The following TARS2 variants were observed in gnomAD, a reference collection of about 807,000 sequenced individuals.
TARS2 encodes the protein threonine--tRNA ligase, mitochondrial.
A neutral mutation model predicts 94.4 loss-of-function variants in TARS2; 61 were observed. The observed-to-expected ratio is 0.65, with a 90% confidence interval of 0.53 to 0.80. TARS2 has a LOEUF of 0.80. Among genes scored for constraint, TARS2 ranks in the 30% least tolerant of loss-of-function variants. The pLI is 0.00. For missense variants in TARS2, 704 were observed against 902.5 expected (o/e 0.78, Z 2.82); for synonymous variants, 359 against 353.4 (o/e 1.02, Z -0.18).
chr1:150,488,893 A>C lies in TARS2; in HGVS notation c.264-71A>C, dbSNP rs1172885621. 3.2e-6 allele frequency: 5 copies of C among 1,565,100 alleles called. No homozygotes were observed. In the African/African-American group the frequency reaches 5.5e-5, roughly 17 times the overall value. On this transcript the variant is annotated intron_variant, in intron 2 of 17. Transcript: ENST00000369064. ...TTTAAACTCTCATATAGGAATCAGAACATGTGATATTTTCCTTTTTGTGCC... is the reference window on the plus strand; with the variant it reads ...TTTAAACTCTCATATAGGAATCAGACCATGTGATATTTTCCTTTTTGTGCC...
chr1:150,488,229 C>G (rs974013736), intron 2 of TARS2, 175 bp downstream of exon 2: 1 of 708,606 alleles, frequency 1.4e-6, no homozygotes, highest in Non-Finnish European at 2.2e-6. Context: ...CAGACGGGGT[C>G]TCTCCATGTT....
Position 150,505,584 on chromosome 1 carries a change from G to C in TARS2, c.1894-7G>C. On this transcript the variant is annotated splice_polypyrimidine_tract_variant and splice_region_variant and intron_variant, in intron 16 of 17. Coordinates refer to ENST00000369064, the MANE Select transcript of TARS2 (RefSeq NM_025150.5). ...ATTAACTTCCTGTCACCAAACCTCT[G>C]TTGCAGGCACAGCAGAGCCTGCGGG... 6.2e-7 allele frequency: 1 copy of C among 1,612,586 alleles called. No individual in the cohort carries two copies. The highest frequency in any genetic ancestry group is 1.1e-5 in the South Asian group (1 of 91,050).
intron 7 of TARS2, among the ~76,000 whole-genome samples, chr1:150,494,694 C>T (rs1291084788): frequency 1.3e-5 from 2 of 151,096 alleles, no homozygotes; most frequent in African/African-American, 2.4e-5. Context: ...GCCAAGATTG[C>T]ACCACTGCAC....
chr1:150,503,957 A>G (rs1670083050), intron 13 of TARS2, among the ~76,000 whole-genome samples: 1 of 151,746 alleles, frequency 6.6e-6, no homozygotes, highest in Non-Finnish European at 1.5e-5. Context: ...AAGAGACAGT[A>G]ATCAGAGTAG....
intron 13 of TARS2, among the ~76,000 whole-genome samples, chr1:150,501,273 A>G (rs903301574): frequency 1.4e-5 from 2 of 147,032 alleles, no homozygotes; most frequent in Non-Finnish European, 3.0e-5. Context: ...ACAGGGCATC[A>G]TAATAAGACC....
chr1:150,496,799 C>G lies in TARS2; in HGVS notation c.922-11C>G. 6.2e-7 allele frequency: 1 copy of G among 1,613,580 alleles called. No individual in the cohort carries two copies. Among genetic ancestry groups the G allele is most frequent in the East Asian group, 2.2e-5 (1 of 44,880 alleles). ...CTTGAGGTGACCCAATATTGCTATT[C>G]CTGACCCCAGGAACAGGAGCTCTTC... On this transcript the variant is annotated splice_polypyrimidine_tract_variant and intron_variant, in intron 8 of 17. Coordinates refer to ENST00000369064, the MANE Select transcript of TARS2 (RefSeq NM_025150.5).
chr1:150,496,784 C>G (rs773460554), intron 8 of TARS2, 26 bp from the exon 9 acceptor site: 1 of 1,612,834 alleles, frequency 6.2e-7, no homozygotes, highest in Admixed American at 1.7e-5. Flanking sequence ...CTTGAGGTGA[C>G]CCAATATTGC....
At chr1:150,492,351 G>A (rs1257884046) in intron 6 of TARS2, 60 bp from the exon 7 acceptor site, 1 of 1,547,308 alleles carries the variant, frequency 6.5e-7, no homozygotes, top group Non-Finnish European at 8.9e-7. Flanking sequence ...GACCATGAGA[G>A]GGAGAAAGCT....
intron 9 of TARS2, 70 bp from the exon 10 acceptor site, chr1:150,497,460 A>T: frequency 6.8e-7 from 1 of 1,477,292 alleles, no homozygotes; most frequent in Non-Finnish European, 9.4e-7. Context: ...CAGGAAGATC[A>T]CACAGCTGAC....
In TARS2 at chr1:150,505,856, G is replaced by T; in HGVS notation, c.2008+151G>T. 1.3e-5 allele frequency: 9 copies of T among 670,478 alleles called. No homozygotes were observed. In the South Asian group the frequency reaches 1.7e-4, roughly 13 times the overall value. The allele number at this position is 670,478 out of a possible 1,614,324, so 41.5% of individuals were successfully genotyped here. On this transcript the variant is annotated intron_variant, in intron 17 of 17. Coordinates refer to ENST00000369064, the MANE Select transcript of TARS2 (RefSeq NM_025150.5). ...GATTCAGGACACCTGACTCATTTGGGCCCTGTGTTCCTTCACATTGCCCTG... is the reference window on the plus strand; with the variant it reads ...GATTCAGGACACCTGACTCATTTGGTCCCTGTGTTCCTTCACATTGCCCTG...
In TARS2 at chr1:150,497,631, C is replaced by A. The variant is rs749063327; in HGVS notation, c.1122C>A (p.Asp374Glu). 1.2e-6 allele frequency: 2 copies of A among 1,614,170 alleles called. No individual in the cohort carries two copies. The highest frequency in any genetic ancestry group is 2.2e-5 in the East Asian group (1 of 44,884). Residue 374 changes from aspartate (D) to glutamate (E), a missense_variant, in exon 10 of 18, where the codon GAC becomes GAA. Transcript: ENST00000369064. ...GGCACTGGGAGCATTATCAGGAAGA[C>A]ATGTTTGCCGTGCAGCCCCCAGGCT... The part of the protein sequence containing the change: ...QSGHWEHYQE[D>E]MFAVQPPGSD...
At chr1:150,504,838 C>T (rs1670128958) in intron 15 of TARS2, 68 bp from the exon 16 acceptor site, 1 of 1,606,126 alleles carries the variant, frequency 6.2e-7, no homozygotes, top group African/African-American at 1.3e-5. Flanking sequence ...CAAGTCTGCT[C>T]CATACAAGCA....
At chr1:150,501,502 CT>C (rs200789049) in intron 13 of TARS2, among the ~76,000 whole-genome samples, 2,620 of 130,672 alleles carry the variant, frequency 0.02, 67 homozygotes, top group African/African-American at 0.06. Context: ...TAATTTTTTT[CT>C]TTTTTTTTTT....
rs1440064198 is a variant in TARS2, at chr1:150,491,756, G to T, written c.695+94G>T. 1.9e-5 allele frequency: 25 copies of T among 1,325,834 alleles called. No homozygotes were observed. The Admixed American group carries it at 4.6e-4, about 24-fold the overall frequency. 82.1% of individuals were successfully genotyped at this position (1,325,834 alleles called of 1,614,324 possible). ...AGGGAAGAAAGATAGAAGGTAATTTGTGTTGCTCCAGAAAAAGAAATGGGA... is the reference window on the plus strand; with the variant it reads ...AGGGAAGAAAGATAGAAGGTAATTTTTGTTGCTCCAGAAAAAGAAATGGGA... On this transcript the variant is annotated intron_variant, in intron 6 of 17. Transcript: ENST00000369064.
chr1:150,498,046 T>C (rs1669748990), intron 10 of TARS2, among the ~76,000 whole-genome samples: 1 of 143,654 alleles, frequency 7.0e-6, no homozygotes, highest in Non-Finnish European at 1.5e-5. Flanking sequence ...TGAGCCGAGA[T>C]CGCGCCACTG....
At chr1:150,490,576 G>C in intron 3 of TARS2, 25 bp from the exon 4 acceptor site, 1 of 1,608,296 alleles carries the variant, frequency 6.2e-7, no homozygotes, top group Non-Finnish European at 8.5e-7. Context: ...TTATGAACTT[G>C]TGAACCCCTT....
chr1:150,487,606 C>T (rs974046951), intron 1 of TARS2, 90 bp downstream of exon 1: 2 of 1,533,624 alleles, frequency 1.3e-6, no homozygotes, highest in Non-Finnish European at 8.9e-7. Flanking sequence ...CCTCACGCCA[C>T]TCCTCCTCTC....
At position 150,487,977 on chromosome 1, in the gene TARS2, G is replaced by A. The variant is rs756325267; in HGVS notation, c.186G>A (p.Lys62=). The change falls in exon 2 of 18, where the codon AAG becomes AAA. Residue 62 remains lysine (K), a synonymous_variant. Coordinates refer to ENST00000369064, the MANE Select transcript of TARS2 (RefSeq NM_025150.5). ...SMAQKEPRTI[K]ISLPGGQKID... is the part of the protein sequence containing the mutation. ...CACAGAAGGAACCCCGGACTATTAA[G>A]ATATCACTTCCTGGAGGCCAGAAAA... 26 of 1,614,124 alleles carry A rather than the reference G, an allele frequency of 1.6e-5. No homozygotes were observed. In the South Asian group the frequency reaches 1.9e-4, roughly 12 times the overall value.
chr1:150,499,006 AC>A lies in TARS2; in HGVS notation c.1514del (p.Pro505LeufsTer15). On this transcript the variant is annotated frameshift_variant, in exon 12 of 18. Coordinates refer to ENST00000369064, the MANE Select transcript of TARS2 (RefSeq NM_025150.5). LOFTEE classifies it high-confidence loss of function. ...LSTRPSGFLG[D>X]PCLWDQAEQV... ...ACCCGGCCATCTGGCTTCCTGGGGG[AC>A]CCTTGCCTTTGGGACCAGGCCGAAC... The A allele has an allele frequency of 6.2e-7, 1 of 1,613,640 alleles. No individual in the cohort carries two copies. The highest frequency in any genetic ancestry group is 8.5e-7 in the Non-Finnish European group (1 of 1,179,944).
Sources: gnomAD v4.1 joint callset for allele counts (sites outside exome capture counted in the v4.1 genomes callset) on GRCh38, gnomAD v4.1.1 for gene constraint, MANE v1.5 for transcripts, NCBI Gene and HGNC (gene_info 2026-07-23, HGNC 2026-07-21) for gene names.